RIPOR2: variants seen among roughly 807,000 people sequenced by gnomAD.
The protein encoded by RIPOR2 is RHO family interacting cell polarization regulator 2.
In RIPOR2, 39 loss-of-function variants were observed where a neutral mutation model predicts 114.5. The observed-to-expected ratio is 0.34, with a 90% confidence interval of 0.26 to 0.44. The LOEUF is 0.44. Ranked by LOEUF, RIPOR2 falls within the 20% of genes least tolerant of loss-of-function variation. The probability of loss-of-function intolerance (pLI) is 1.00; values close to 1 mark genes in which losing one functional copy is unlikely to be tolerated. For synonymous variants in RIPOR2, 445 were observed against 484.4 expected (o/e 0.92, Z 1.07); for missense variants, 1,007 against 1,255.1 (o/e 0.80, Z 2.99).
At chr6:24,843,688 T>G in intron 12 of RIPOR2, 134 bp from the exon 13 acceptor site, 1 of 632,108 alleles carries the variant, frequency 1.6e-6, no homozygotes. Flanking sequence ...AGCATTTTAT[T>G]TGTTGATGCC....
At chr6:24,890,175 G>A (rs768684431) in intron 1 of RIPOR2, among the ~76,000 whole-genome samples, 3 of 152,006 alleles carry the variant, frequency 2.0e-5, no homozygotes, top group Non-Finnish European at 2.9e-5. Flanking sequence ...GATTATGGGC[G>A]TGAGCCACTG....
At chr6:24,914,789 CA>C (rs1412712327) in intron 1 of RIPOR2, among the ~76,000 whole-genome samples, 1 of 152,172 alleles carries the variant, frequency 6.6e-6, no homozygotes, top group African/African-American at 2.4e-5. Flanking sequence ...AGCCAAAATG[CA>C]ACCAATTTAA....
intron 1 of RIPOR2, among the ~76,000 whole-genome samples, chr6:24,977,743 C>T (rs1774129848): frequency 6.6e-6 from 1 of 151,990 alleles, no homozygotes; most frequent in African/African-American, 2.4e-5. Flanking sequence ...ACATCTGGCT[C>T]TTGAAATCCT....
At chr6:24,905,071 G>A (rs150578003) in intron 1 of RIPOR2, among the ~76,000 whole-genome samples, 4 of 152,162 alleles carry the variant, frequency 2.6e-5, no homozygotes, top group African/African-American at 7.2e-5. Flanking sequence ...CACCGCGCCC[G>A]GCCAGTGTAT....
intron 6 of RIPOR2, among the ~76,000 whole-genome samples, chr6:24,866,349 T>C (rs1056469855): frequency 1.3e-5 from 2 of 152,166 alleles, no homozygotes; most frequent in Admixed American, 1.3e-4. Context: ...AATCAGCTAA[T>C]TCTTCTAAGG....
chr6:24,864,076 T>C (rs1296191670), intron 7 of RIPOR2, among the ~76,000 whole-genome samples: 1 of 152,026 alleles, frequency 6.6e-6, no homozygotes. Context: ...CAGAGGCGAG[T>C]GGATCACCTG....
chr6:24,809,237 G>T (rs145591722), intron 21 of RIPOR2, among the ~76,000 whole-genome samples: 1 of 152,250 alleles, frequency 6.6e-6, no homozygotes, highest in African/African-American at 2.4e-5. Flanking sequence ...TAGGTATCAG[G>T]GCTCAGATGG....
At position 24,918,614 on chromosome 6, in the gene RIPOR2, G is replaced by A. The variant is rs536015096; in HGVS notation, c.61+17224C>T. 2.6e-5 allele frequency among the ~76,000 whole-genome samples: 4 copies of A among 152,274 alleles called. No individual in the cohort carries two copies. The South Asian group carries it at 6.2e-4, about 24-fold the overall frequency. The stretch of plus-strand genomic sequence containing the variant: ...CCCTATTGCTTAAAACTTTGTCACT[G>A]ACTGTTAAACTTCAAAATCTTCATG... On this transcript the variant is annotated intron_variant, in intron 1 of 21. Coordinates refer to ENST00000643898, the MANE Select transcript of RIPOR2 (RefSeq NM_001286445.3).
At chr6:24,940,357 T>C (rs1772058809), upstream of RIPOR2, among the ~76,000 whole-genome samples, 1 of 152,148 alleles carries the variant, frequency 6.6e-6, no homozygotes, top group Non-Finnish European at 1.5e-5. Flanking sequence ...CCCACTCCTT[T>C]CAGAAAGTGT....
chr6:24,949,772 C>T (rs1003646240), intron 1 of RIPOR2, among the ~76,000 whole-genome samples: 11 of 152,360 alleles, frequency 7.2e-5, no homozygotes, highest in Non-Finnish European at 1.5e-4. Context: ...AGCAAGAGTT[C>T]ACCAGGGCCT....
At chr6:24,837,566 C>A (rs745321368) in intron 14 of RIPOR2, among the ~76,000 whole-genome samples, 2 of 152,176 alleles carry the variant, frequency 1.3e-5, no homozygotes, top group Admixed American at 6.5e-5. Flanking sequence ...TGCACCACCA[C>A]ACCCAACTAA....
At chr6:25,013,534 A>G (rs1775858381) in intron 1 of RIPOR2, among the ~76,000 whole-genome samples, 1 of 152,232 alleles carries the variant, frequency 6.6e-6, no homozygotes, top group Non-Finnish European at 1.5e-5. Context: ...GCCCACCTTC[A>G]TCAGCTCTGC....
intron 12 of RIPOR2, among the ~76,000 whole-genome samples, chr6:24,844,198 C>T (rs1004166453): frequency 6.6e-6 from 1 of 152,164 alleles, no homozygotes. Flanking sequence ...AGGAGGCAAA[C>T]CCCAGGGCTC....
At chr6:24,873,865 T>C in intron 2 of RIPOR2, 66 bp from the exon 3 acceptor site, 1 of 1,332,112 alleles carries the variant, frequency 7.5e-7, no homozygotes, top group East Asian at 2.3e-5. Context: ...AAGAAAAATG[T>C]CTTCTATTAT....
rs1369741085 is a variant in RIPOR2, at chr6:24,804,378, A to T, written c.*1995T>A. 2.0e-5 allele frequency: 3 copies of T among 152,158 alleles called. No individual in the cohort carries two copies. Among genetic ancestry groups the T allele is most frequent in the Non-Finnish European group, 4.4e-5 (3 of 68,030 alleles). 9.4% of individuals were successfully genotyped at this position (152,158 alleles called of 1,614,324 possible). On this transcript the variant is annotated 3_prime_UTR_variant, in exon 22 of 22. Transcript: ENST00000643898. Reference sequence around the variant, plus strand: ...ACAACTAAAAGCACCCCTCAACCAAACATAAAATACAGAAGTGAATACAAA... The same window carrying T: ...ACAACTAAAAGCACCCCTCAACCAATCATAAAATACAGAAGTGAATACAAA...
At chr6:24,958,699 G>C (rs1400580425) in intron 1 of RIPOR2, among the ~76,000 whole-genome samples, 1 of 152,118 alleles carries the variant, frequency 6.6e-6, no homozygotes, top group Admixed American at 6.5e-5. Flanking sequence ...TTTCACTCTT[G>C]GGTATACGAT....
intron 8 of RIPOR2, among the ~76,000 whole-genome samples, chr6:24,853,356 C>T (rs1763147998): frequency 6.6e-6 from 1 of 152,338 alleles, no homozygotes; most frequent in South Asian, 2.1e-4. Context: ...GACTAGATGG[C>T]CACCATCCGA....
At chr6:24,825,530 A>G in intron 18 of RIPOR2, 102 bp from the exon 19 acceptor site, 9 of 792,144 alleles carry the variant, frequency 1.1e-5, no homozygotes, top group Admixed American at 2.5e-5. Flanking sequence ...AGTATAGTAT[A>G]GTAACTCCAA....
At chr6:24,957,182 T>TA (rs373097670) in intron 1 of RIPOR2, among the ~76,000 whole-genome samples, 16 of 150,858 alleles carry the variant, frequency 1.1e-4, no homozygotes, top group Non-Finnish European at 2.2e-4. Context: ...GGAAGATTTT[T>TA]AAAAATCTCT....
Sources: allele counts gnomAD v4.1 joint callset (sites outside exome capture counted in the v4.1 genomes callset), GRCh38; gene constraint gnomAD v4.1.1; transcripts MANE v1.5; gene names NCBI Gene and HGNC (gene_info 2026-07-23, HGNC 2026-07-21).